The following ANKRD30B variants were observed in gnomAD, a reference collection of about 807,000 sequenced individuals.
The protein encoded by ANKRD30B is ankyrin repeat domain-containing protein 30B.
A neutral mutation model predicts 202.2 loss-of-function variants in ANKRD30B; 144 were observed. The ratio of observed to expected loss-of-function variants is 0.71; its 90% CI spans 0.62 to 0.82. The LOEUF (loss-of-function observed/expected upper bound fraction) is 0.82. Ranked by LOEUF, ANKRD30B falls within the 40% of genes least tolerant of loss-of-function variation. The probability of loss-of-function intolerance (pLI) is 0.00; values close to 1 mark genes in which losing one functional copy is unlikely to be tolerated. For missense variants in ANKRD30B, 1,487 were observed against 1,669.1 expected (o/e 0.89, Z 1.90); for synonymous variants, 508 against 561.3 (o/e 0.91, Z 1.34).
the ANKRD30B span, among the ~76,000 whole-genome samples, chr18:14,888,421 T>A: frequency 4.6e-5 from 7 of 152,040 alleles, no homozygotes; most frequent in Non-Finnish European, 7.4e-5. Flanking sequence ...TAAATTAATT[T>A]AAAAAAATCA....
chr18:14,920,394 A>T, the ANKRD30B span, among the ~76,000 whole-genome samples: 1 of 152,208 alleles, frequency 6.6e-6, no homozygotes, highest in African/African-American at 2.4e-5. Flanking sequence ...TGGAAGGCTT[A>T]ATTAAGGTAA....
intron 15 of ANKRD30B, among the ~76,000 whole-genome samples, chr18:14,789,630 C>T (rs1968328234): frequency 6.6e-6 from 1 of 152,180 alleles, no homozygotes; most frequent in Non-Finnish European, 1.5e-5. Flanking sequence ...TTTCCCAGCA[C>T]CATTTATTAA....
the ANKRD30B span, among the ~76,000 whole-genome samples, chr18:14,936,864 G>A: frequency 1.3e-5 from 2 of 152,192 alleles, no homozygotes; most frequent in Admixed American, 6.5e-5. Context: ...CAGCAGCCCT[G>A]GGCTGAGATT....
At chr18:14,826,815 C>T (rs1053008887) in intron 32 of ANKRD30B, among the ~76,000 whole-genome samples, 3 of 151,694 alleles carry the variant, frequency 2.0e-5, no homozygotes, top group Non-Finnish European at 4.4e-5. Context: ...GAACCCTATA[C>T]ATCCATGCTT....
intron 37 of ANKRD30B, among the ~76,000 whole-genome samples, chr18:14,841,749 A>T (rs1459099748): frequency 1.3e-5 from 2 of 152,190 alleles, no homozygotes; most frequent in African/African-American, 2.4e-5. Flanking sequence ...AGGAAATTTG[A>T]GTGAATTCAC....
intron 5 of ANKRD30B, among the ~76,000 whole-genome samples, chr18:14,758,154 T>C (rs1410494472): frequency 1.3e-5 from 2 of 152,176 alleles, no homozygotes; most frequent in Non-Finnish European, 2.9e-5. Context: ...ACTGCTTGAT[T>C]TGAAGTATAA....
intron 7 of ANKRD30B, among the ~76,000 whole-genome samples, chr18:14,766,172 G>A (rs1229785901): frequency 6.6e-6 from 1 of 151,970 alleles, no homozygotes; most frequent in Admixed American, 6.6e-5. Context: ...TGCTCATGGG[G>A]AAGGAGTAGA....
chr18:14,753,086 T>G, intron 3 of ANKRD30B, 74 bp downstream of exon 3: 1 of 1,218,198 alleles, frequency 8.2e-7, no homozygotes, highest in Non-Finnish European at 1.1e-6. Flanking sequence ...GTAAGGCTTT[T>G]ATATTTGGAA....
chr18:14,867,888 T>C, the ANKRD30B span, among the ~76,000 whole-genome samples: 33 of 152,238 alleles, frequency 2.2e-4, no homozygotes, highest in African/African-American at 8.0e-4. Flanking sequence ...TGTCACTTTC[T>C]GCATCCTGTT....
chr18:14,820,846 C>A (rs914166313), intron 30 of ANKRD30B, among the ~76,000 whole-genome samples: 2 of 152,046 alleles, frequency 1.3e-5, no homozygotes, highest in Non-Finnish European at 2.9e-5. Flanking sequence ...TGTCTCTGCC[C>A]GGCTTTGGTA....
intron 9 of ANKRD30B, among the ~76,000 whole-genome samples, chr18:14,776,699 T>G (rs950455073): frequency 1.3e-5 from 2 of 152,248 alleles, no homozygotes; most frequent in Non-Finnish European, 2.9e-5. Context: ...ATTTTTCTCT[T>G]TTTATGAAGG....
intron 36 of ANKRD30B, among the ~76,000 whole-genome samples, chr18:14,839,310 G>A (rs1303691841): frequency 1.3e-5 from 2 of 152,166 alleles, no homozygotes; most frequent in African/African-American, 2.4e-5. Context: ...GAATTCCATG[G>A]TCAGAGTAGA....
At chr18:14,859,101 G>A (rs1387108081), downstream of ANKRD30B, among the ~76,000 whole-genome samples, 3 of 138,934 alleles carry the variant, frequency 2.2e-5, no homozygotes, top group African/African-American at 8.1e-5. Context: ...CCTAGATGGG[G>A]TGGCCGGGCA....
At chr18:14,919,162 G>C in the ANKRD30B span, among the ~76,000 whole-genome samples, 1 of 152,220 alleles carries the variant, frequency 6.6e-6, no homozygotes, top group Non-Finnish European at 1.5e-5. Flanking sequence ...TTGCCCACTA[G>C]GTTATAAGGG....
the ANKRD30B span, among the ~76,000 whole-genome samples, chr18:14,908,842 G>A: frequency 2.0e-5 from 3 of 152,200 alleles, no homozygotes; most frequent in Non-Finnish European, 2.9e-5. Flanking sequence ...ATGGGAGGAT[G>A]TGGAGCTGGC....
the ANKRD30B span, among the ~76,000 whole-genome samples, chr18:14,933,812 T>C: frequency 6.6e-5 from 10 of 152,144 alleles, no homozygotes; most frequent in Non-Finnish European, 1.0e-4. Context: ...ACTTTGCAAC[T>C]ACGTCAAGTG....
At chr18:14,905,192 C>G in the ANKRD30B span, among the ~76,000 whole-genome samples, 1 of 152,150 alleles carries the variant, frequency 6.6e-6, no homozygotes, top group African/African-American at 2.4e-5. Flanking sequence ...CAGAAATAAC[C>G]ACAAAAATGG....
At chr18:14,861,874 C>A in the ANKRD30B span, among the ~76,000 whole-genome samples, 1 of 152,020 alleles carries the variant, frequency 6.6e-6, no homozygotes, top group Non-Finnish European at 1.5e-5. Flanking sequence ...TAAAATTGAC[C>A]ACATGCTCAG....
chr18:14,874,802 G>T, the ANKRD30B span, among the ~76,000 whole-genome samples: 1 of 152,148 alleles, frequency 6.6e-6, no homozygotes, highest in African/African-American at 2.4e-5. Context: ...GGAGTGACTT[G>T]CCCAGAAGAT....
Sources: allele counts gnomAD v4.1 joint callset (sites outside exome capture counted in the v4.1 genomes callset), GRCh38; gene constraint gnomAD v4.1.1; transcripts MANE v1.5; gene names NCBI Gene and HGNC (gene_info 2026-07-23, HGNC 2026-07-21).